The following PHF20 variants were observed in gnomAD, a reference collection of about 807,000 sequenced individuals.
PHF20 encodes glioma-expressed antigen 2.
Under a neutral mutation model 113.5 loss-of-function variants are expected in PHF20, and 23 were observed. The observed-to-expected ratio is 0.20, with a 90% CI of 0.15 to 0.29. The LOEUF (loss-of-function observed/expected upper bound fraction) is 0.29, where lower values mean the gene tolerates loss of function less well. Ranked by LOEUF, PHF20 falls within the 10% of genes least tolerant of loss-of-function variation. PHF20 has a pLI of 1.00. For missense variants in PHF20, 943 were observed against 1,219.6 expected (o/e 0.77, Z 3.38); for synonymous variants, 434 against 457.3 (o/e 0.95, Z 0.65).
intron 1 of PHF20, among the ~76,000 whole-genome samples, chr20:35,784,303 C>T (rs897516558): frequency 1.7e-4 from 26 of 151,804 alleles, no homozygotes; most frequent in African/African-American, 4.6e-4. Context: ...CTGCCTGCCT[C>T]GGCCTCCCAA....
chr20:35,917,705 TG>T, intron 13 of PHF20, 43 bp downstream of exon 13: 1 of 1,551,344 alleles, frequency 6.4e-7, no homozygotes, highest in Admixed American at 1.9e-5. Context: ...AAGCACAAAC[TG>T]GTCCTTGGAG....
intron 1 of PHF20, among the ~76,000 whole-genome samples, chr20:35,799,319 A>AAT (rs2041733021): frequency 6.8e-6 from 1 of 146,956 alleles, no homozygotes; most frequent in Non-Finnish European, 1.5e-5. Context: ...AAAAAAAAAA[A>AAT]GCTGGGTGTG....
chr20:35,841,033 C>A (rs370223327), intron 2 of PHF20, among the ~76,000 whole-genome samples: 2 of 151,978 alleles, frequency 1.3e-5, no homozygotes. Flanking sequence ...CCTTTTTTCT[C>A]CTCTTTAAAA....
chr20:35,870,809 A>G (rs1277253190), intron 7 of PHF20, 146 bp from the exon 8 acceptor site: 1 of 538,568 alleles, frequency 1.9e-6, no homozygotes. Flanking sequence ...TAAACTAGTA[A>G]AGGGTATTTC....
intron 15 of PHF20, among the ~76,000 whole-genome samples, chr20:35,937,914 C>T (rs1284617196): frequency 6.6e-6 from 1 of 152,012 alleles, no homozygotes; most frequent in Non-Finnish European, 1.5e-5. Context: ...TGCTGTCGCC[C>T]AGGCTGGAGT....
chr20:35,797,234 C>T (rs950526119), intron 1 of PHF20, among the ~76,000 whole-genome samples: 12 of 149,328 alleles, frequency 8.0e-5, no homozygotes, highest in Admixed American at 6.0e-4. Context: ...AAAAATGGGC[C>T]GGGCGTGGTG....
At chr20:35,804,700 A>AT (rs907974547) in intron 2 of PHF20, among the ~76,000 whole-genome samples, 386 of 150,276 alleles carry the variant, frequency 2.6e-3, no homozygotes, top group African/African-American at 7.1e-3. Context: ...TTTTTATTGT[A>AT]TTTTTTTTTA....
intron 5 of PHF20, among the ~76,000 whole-genome samples, chr20:35,858,893 A>AT (rs1286990940): frequency 3.9e-5 from 6 of 151,902 alleles, no homozygotes; most frequent in South Asian, 2.1e-4. Flanking sequence ...TTTAACAGAG[A>AT]TTTTTTTTCA....
At chr20:35,946,324 C>G (rs1163792520) in intron 17 of PHF20, among the ~76,000 whole-genome samples, 1 of 152,238 alleles carries the variant, frequency 6.6e-6, no homozygotes, top group South Asian at 2.1e-4. Flanking sequence ...ATCCCAGCTA[C>G]TTTGGAGGCT....
chr20:35,786,046 CAAAAAAAAAAA>C (rs2041404992), intron 1 of PHF20, among the ~76,000 whole-genome samples: 2 of 133,152 alleles, frequency 1.5e-5, no homozygotes, highest in Middle Eastern at 4.2e-3. Flanking sequence ...AAAAAAAAAA[CAAAAAAAAAAA>C]CAAATCTTGT....
chr20:35,824,993 T>C (rs940250943), intron 2 of PHF20, among the ~76,000 whole-genome samples: 1 of 152,234 alleles, frequency 6.6e-6, no homozygotes, highest in Non-Finnish European at 1.5e-5. Flanking sequence ...AGTTGTTGGG[T>C]ATTTACAGTG....
chr20:35,940,846 A>G lies in PHF20; in HGVS notation c.2713-18A>G, dbSNP rs2055963236. The G allele has an allele frequency of 6.9e-6, 11 of 1,601,990 alleles. No individual in the cohort carries two copies. Among genetic ancestry groups the G allele is most frequent in the South Asian group, 4.5e-5 (4 of 89,852 alleles). ...GGGCTATCTCCATTCAGTAATTTCC[A>G]TGCCATTGCATCCCCAGGTGAAGGA... On this transcript the variant is annotated intron_variant, in intron 16 of 17. Coordinates refer to ENST00000374012, the MANE Select transcript of PHF20 (RefSeq NM_016436.5).
chr20:35,816,518 C>G (rs2042076375), intron 2 of PHF20, among the ~76,000 whole-genome samples: 1 of 150,918 alleles, frequency 6.6e-6, no homozygotes, highest in East Asian at 1.9e-4. Flanking sequence ...GGCGCAATCT[C>G]CGGTCACTGC....
At position 35,871,143 on chromosome 20, in the gene PHF20, G is replaced by C. The variant is rs1015317704; in HGVS notation, c.1102+9G>C. 1 of 1,604,762 alleles carries C rather than the reference G, an allele frequency of 6.2e-7. No individual in the cohort carries two copies. Among genetic ancestry groups the C allele is most frequent in the Admixed American group, 1.8e-5 (1 of 56,968 alleles). On this transcript the variant is annotated intron_variant, in intron 8 of 17. Coordinates refer to ENST00000374012, the MANE Select transcript of PHF20 (RefSeq NM_016436.5). ...CAAGGAATCTGAAGAAGGTGAGTCAGTCTGTTCAGGAATTGTCTTGCCAAC... is the reference window on the plus strand; with the variant it reads ...CAAGGAATCTGAAGAAGGTGAGTCACTCTGTTCAGGAATTGTCTTGCCAAC...
At chr20:35,944,214 A>G (rs1289444996) in intron 17 of PHF20, among the ~76,000 whole-genome samples, 1 of 152,176 alleles carries the variant, frequency 6.6e-6, no homozygotes, top group Non-Finnish European at 1.5e-5. Context: ...GGTCCAGAGG[A>G]GATGCTGTTG....
At chr20:35,917,300 A>G in intron 12 of PHF20, 184 bp from the exon 13 acceptor site, 2 of 701,498 alleles carry the variant, frequency 2.9e-6, no homozygotes, top group Non-Finnish European at 5.3e-6. Flanking sequence ...GCCAGGCAGC[A>G]TGCTTCGTTT....
chr20:35,886,280 AG>A (rs1351762157), intron 9 of PHF20, among the ~76,000 whole-genome samples: 4 of 151,818 alleles, frequency 2.6e-5, no homozygotes, highest in African/African-American at 7.3e-5. Context: ...CTGGGATTAC[AG>A]GTGCCCACCA....
intron 2 of PHF20, among the ~76,000 whole-genome samples, chr20:35,809,320 T>G (rs2041937244): frequency 6.6e-6 from 1 of 151,808 alleles, no homozygotes; most frequent in Non-Finnish European, 1.5e-5. Context: ...GGCTCACACC[T>G]GGAATCCCAG....
At chr20:35,809,337 G>T (rs2041937631) in intron 2 of PHF20, among the ~76,000 whole-genome samples, 1 of 152,044 alleles carries the variant, frequency 6.6e-6, no homozygotes, top group Non-Finnish European at 1.5e-5. Context: ...CCAGCATTTT[G>T]GGAGGCCAAG....
Sources: gnomAD v4.1 joint callset for allele counts (sites outside exome capture counted in the v4.1 genomes callset) on GRCh38, gnomAD v4.1.1 for gene constraint, MANE v1.5 for transcripts, NCBI Gene and HGNC (gene_info 2026-07-23, HGNC 2026-07-21) for gene names.